DLG4: variants seen among roughly 807,000 people sequenced by gnomAD.
DLG4 encodes the protein discs large MAGUK scaffold protein 4.
In DLG4, 7 loss-of-function variants were observed where a neutral mutation model predicts 93.8. The ratio of observed to expected loss-of-function variants is 0.07; its 90% CI spans 0.04 to 0.14. The LOEUF is 0.14. Ranked by LOEUF, DLG4 falls within the 10% of genes least tolerant of loss-of-function variation. DLG4 has a pLI of 1.00. For synonymous variants in DLG4, 341 were observed against 387.6 expected, an observed-to-expected ratio of 0.88 and a Z score of 1.41; for missense variants, 545 against 992.9, an observed-to-expected ratio of 0.55 and a Z score of 6.06.
chr17:7,198,658 G>C (rs1305433146), intron 8 of DLG4, among the ~76,000 whole-genome samples: 2 of 151,632 alleles, frequency 1.3e-5, no homozygotes, highest in Non-Finnish European at 2.9e-5. Flanking sequence ...AACCAGCCTG[G>C]CCAAGATGGT....
chr17:7,217,182 C>T lies in DLG4; in HGVS notation c.-35G>A. On this transcript the variant is annotated 5_prime_UTR_variant, in exon 1 of 20. Transcript: ENST00000399506. ...CCTGGCCGCGGCGGCGGGTAAGGGG[C>T]TCTGACTTCATCGGAGTTTCGTTCC... 7.8e-7 allele frequency: 1 copy of T among 1,276,118 alleles called. No individual in the cohort carries two copies. Among genetic ancestry groups the T allele is most frequent in the Non-Finnish European group, 9.9e-7 (1 of 1,005,220 alleles). 79.0% of individuals were successfully genotyped at this position (1,276,118 alleles called of 1,614,324 possible).
rs183417838 is a variant in DLG4 at position 7,189,257 on chromosome 17, T to C, written c.*1451A>G. 6.6e-6 allele frequency among the ~76,000 whole-genome samples: 1 copy of C among 151,500 alleles called. No homozygotes were observed. The highest frequency in any genetic ancestry group is 6.6e-5 in the Admixed American group (1 of 15,212). ...CTGTAATCCCAGCACTTTGGGAGGC[T>C]GAGGCGGGTGGATAACAAGGTCAGG... On this transcript the variant is annotated 3_prime_UTR_variant, in exon 20 of 20. Coordinates refer to ENST00000399506, the MANE Select transcript of DLG4 (RefSeq NM_001321075.3).
Position 7,208,728 on chromosome 17 carries a change from C to T in DLG4, c.31-489G>A, listed in dbSNP as rs2070591604. Among the ~76,000 whole-genome samples the T allele has an allele frequency of 6.6e-6, 1 of 152,042 alleles. No individual in the cohort carries two copies. The highest frequency in any genetic ancestry group is 6.5e-5 in the Admixed American group (1 of 15,270). On this transcript the variant is annotated intron_variant, in intron 1 of 19. Transcript: ENST00000399506. The surrounding 1 kb of genome is among the most constrained non-coding windows in gnomAD (Gnocchi z 5.4). ...TACCCCTCTGGCTGCTCCTACTCTG[C>T]ATGGCATCCTCCCCGCGCCCCACCT...
upstream of DLG4, chr17:7,218,144 G>A (rs2071018926): frequency 2.6e-6 from 3 of 1,155,036 alleles, no homozygotes; most frequent in Non-Finnish European, 2.5e-6. Flanking sequence ...TTGTCAGCAG[G>A]GCCCCCAAGA....
Position 7,196,661 on chromosome 17 carries a change from G to A in DLG4, c.1084-86C>T, listed in dbSNP as rs2069803862. On this transcript the variant is annotated intron_variant, in intron 9 of 19. Transcript: ENST00000399506. This position sits in a 1 kb window ranked among gnomAD's most constrained non-coding sequence, Gnocchi z 8.3. ...TGGAGCAGGGAGTGGTCCCGCAAGA[G>A]GACTCGGCTGCAGCCCATCCAGGCC... 6.3e-7 allele frequency: 1 copy of A among 1,586,642 alleles called. No individual in the cohort carries two copies. Among genetic ancestry groups the A allele is most frequent in the Admixed American group, 1.8e-5 (1 of 56,162 alleles).
At chr17:7,201,760 A>T in intron 8 of DLG4, among the ~76,000 whole-genome samples, 1 of 152,148 alleles carries the variant, frequency 6.6e-6, no homozygotes. Context: ...GGGCACCTGT[A>T]ATCCCAGCTA....
rs1489933421 is a variant in DLG4, at chr17:7,194,786, C to T, written c.1302-291G>A. 1.3e-5 allele frequency among the ~76,000 whole-genome samples: 2 copies of T among 152,160 alleles called. No individual in the cohort carries two copies. Among genetic ancestry groups the T allele is most frequent in the African/African-American group, 4.8e-5 (2 of 41,438 alleles). ...GGCTCCCACCTGGAATCCCAGCTGA[C>T]TTTGGGAGGCCAAGGCGGGCGGATC... On this transcript the variant is annotated intron_variant, in intron 11 of 19. Coordinates refer to ENST00000399506, the MANE Select transcript of DLG4 (RefSeq NM_001321075.3). The surrounding 1 kb of genome is among the most constrained non-coding windows in gnomAD (Gnocchi z 4.4).
chr17:7,196,674 G>A lies in DLG4; in HGVS notation c.1083+83C>T. On this transcript the variant is annotated intron_variant, in intron 9 of 19. Coordinates refer to ENST00000399506, the MANE Select transcript of DLG4 (RefSeq NM_001321075.3). The surrounding 1 kb of genome is among the most constrained non-coding windows in gnomAD (Gnocchi z 8.3). ...GGTCCCGCAAGAGGACTCGGCTGCA[G>A]CCCATCCAGGCCCCTCCCCAAGAGC... The A allele has an allele frequency of 6.3e-7, 1 of 1,578,522 alleles. No individual in the cohort carries two copies. The highest frequency in any genetic ancestry group is 2.3e-5 in the East Asian group (1 of 43,300).
At chr17:7,217,068 C>G (rs2070949965) in intron 1 of DLG4, 50 bp downstream of exon 1, 3 of 1,260,534 alleles carry the variant, frequency 2.4e-6, no homozygotes, top group Non-Finnish European at 3.0e-6. Context: ...TAACCCCTCC[C>G]CACAAACTCA....
chr17:7,201,884 G>C (rs753288053), intron 8 of DLG4, among the ~76,000 whole-genome samples: 5 of 151,966 alleles, frequency 3.3e-5, no homozygotes, highest in Non-Finnish European at 7.4e-5. Context: ...TCCATTTCAA[G>C]AAAAAAATTA....
At position 7,187,626 on chromosome 17, in the gene DLG4, C is replaced by T. The variant is rs181612255; in HGVS notation, c.*3082G>A. ...CCCCATCCAGGTCAAATATGTGATT[C>T]TGCCCCTTCTAGTTTAACACGCAGA... On this transcript the variant is annotated 3_prime_UTR_variant, in exon 20 of 20. Coordinates refer to ENST00000399506, the MANE Select transcript of DLG4 (RefSeq NM_001321075.3). Among the ~76,000 whole-genome samples, 5 of 152,122 alleles carry T rather than the reference C, an allele frequency of 3.3e-5. No individual in the cohort carries two copies. Among genetic ancestry groups the T allele is most frequent in the East Asian group, 3.9e-4 (2 of 5,174 alleles).
Position 7,203,146 on chromosome 17 carries a change from G to C in DLG4, c.642+47C>G. ...AACTTGGGCCTGCCAGGGCTAGTAGGTGAGACCCAAATCTGGGCTAGAAAA... is the reference window on the plus strand; with the variant it reads ...AACTTGGGCCTGCCAGGGCTAGTAGCTGAGACCCAAATCTGGGCTAGAAAA... On this transcript the variant is annotated intron_variant, in intron 7 of 19. Transcript: ENST00000399506. The surrounding 1 kb of genome is among the most constrained non-coding windows in gnomAD (Gnocchi z 7.2). 1 of 1,570,906 alleles carries C rather than the reference G, an allele frequency of 6.4e-7. No homozygotes were observed. The highest frequency in any genetic ancestry group is 1.3e-5 in the African/African-American group (1 of 74,408).
Position 7,196,608 on chromosome 17 carries a change from G to A in DLG4, c.1084-33C>T, listed in dbSNP as rs746369195. 2.5e-6 allele frequency: 4 copies of A among 1,611,114 alleles called. No homozygotes were observed. The South Asian group carries it at 4.4e-5, about 18-fold the overall frequency. On this transcript the variant is annotated intron_variant, in intron 9 of 19. Transcript: ENST00000399506. This position sits in a 1 kb window ranked among gnomAD's most constrained non-coding sequence, Gnocchi z 8.3. ...GAGGACGACAGGCTGTGTCACCAGA[G>A]ACAGGAGGCAGCACTTCTGGGTCCA...
intron 1 of DLG4, among the ~76,000 whole-genome samples, chr17:7,211,250 C>T (rs1177938347): frequency 1.3e-5 from 2 of 151,778 alleles, no homozygotes; most frequent in African/African-American, 2.4e-5. Flanking sequence ...AAGGAGGACC[C>T]CCCCCATCCT....
chr17:7,207,705 G>A (rs553317954), intron 2 of DLG4, among the ~76,000 whole-genome samples: 1 of 151,754 alleles, frequency 6.6e-6, no homozygotes, highest in Non-Finnish European at 1.5e-5. Context: ...TACAGCACAC[G>A]CACAGGCACA....
In DLG4 at chr17:7,189,363, T is replaced by TGCGC. The variant is rs1367070958; in HGVS notation, c.*1344_*1345insGCGC. On this transcript the variant is annotated 3_prime_UTR_variant, in exon 20 of 20. Coordinates refer to ENST00000399506, the MANE Select transcript of DLG4 (RefSeq NM_001321075.3). ...AATTAGCCAGGCATGGTGGCAGTAA[T>TGCGC]CTGTAATCCCAGCTACTCAGGGGGC... 1.3e-5 allele frequency among the ~76,000 whole-genome samples: 2 copies of TGCGC among 149,462 alleles called. No individual in the cohort carries two copies. The highest frequency in any genetic ancestry group is 2.5e-5 in the African/African-American group (1 of 40,472).
intron 1 of DLG4, among the ~76,000 whole-genome samples, chr17:7,216,098 G>C (rs906209279): frequency 2.0e-5 from 3 of 150,952 alleles, no homozygotes; most frequent in Non-Finnish European, 3.0e-5. Flanking sequence ...TGCCAGCCCT[G>C]CCCTCCTCCT....
At chr17:7,202,239 A>G (rs945048836) in intron 8 of DLG4, among the ~76,000 whole-genome samples, 1 of 151,836 alleles carries the variant, frequency 6.6e-6, no homozygotes, top group Non-Finnish European at 1.5e-5. Flanking sequence ...AATTTTTTTA[A>G]TTTTTTTAGA....
intron 1 of DLG4, among the ~76,000 whole-genome samples, chr17:7,209,614 AC>A (rs1162460020): frequency 6.6e-6 from 1 of 152,218 alleles, no homozygotes; most frequent in Non-Finnish European, 1.5e-5. Flanking sequence ...TACAAAAAAT[AC>A]AAAAATTAGC....
Sources: gnomAD v4.1 joint callset for allele counts (sites outside exome capture counted in the v4.1 genomes callset) on GRCh38, gnomAD v4.1.1 for gene constraint, Gnocchi (gnomAD v3.1) non-coding constraint, MANE v1.5 for transcripts, NCBI Gene and HGNC (gene_info 2026-07-23, HGNC 2026-07-21) for gene names.